Variants in ANKLE2 observed in about 807,000 individuals in gnomAD.
ANKLE2 encodes the protein ankyrin repeat and LEM domain containing 2.
In ANKLE2, 55 loss-of-function variants were observed where a neutral mutation model predicts 84.2. That is an observed-to-expected ratio of 0.65 (90% CI 0.53 to 0.82). The LOEUF is 0.82. ANKLE2 is among the 40% of genes least tolerant of loss of function. ANKLE2 has a pLI of 0.00. For synonymous variants in ANKLE2, 551 were observed against 486.1 expected (o/e 1.13, Z -1.76); for missense variants, 1,238 against 1,201.9 (o/e 1.03, Z -0.44).
rs563959431 is a variant in ANKLE2, at chr12:132,755,315, G to A, written c.182-182C>T. ...TCCCAGCATTTTGGGAGGCTGAGGC[G>A]GGCGGATCATCTGAGGTCAGGAGTT... On this transcript the variant is annotated intron_variant, in intron 1 of 12. Coordinates refer to ENST00000357997, the MANE Select transcript of ANKLE2 (RefSeq NM_015114.3). 30 of 563,792 alleles carry A rather than the reference G, an allele frequency of 5.3e-5. No homozygotes were observed. The Admixed American group carries it at 6.1e-4, about 11-fold the overall frequency. 34.9% of individuals were successfully genotyped at this position (563,792 alleles called of 1,614,324 possible). A position where few individuals can be genotyped will look rare whatever the true frequency, so the allele number is the denominator to read the frequency against.
At chr12:132,746,348 C>CAAAAAAAAAAAAAAAAAAAAAAAAAAA (rs566130639) in intron 5 of ANKLE2, among the ~76,000 whole-genome samples, 18 of 66,508 alleles carry the variant, frequency 2.7e-4, no homozygotes, top group Non-Finnish European at 3.9e-4. Context: ...GACTCTGTCT[C>CAAAAAAAAAAAAAAAAAAAAAAAAAAA]AAAAAAAAAA....
intron 3 of ANKLE2, among the ~76,000 whole-genome samples, chr12:132,750,037 G>A (rs1191133616): frequency 6.6e-6 from 1 of 151,750 alleles, no homozygotes; most frequent in East Asian, 1.9e-4. Context: ...GGCCAACATG[G>A]TGGCTAAAAA....
intron 10 of ANKLE2, among the ~76,000 whole-genome samples, chr12:132,732,672 G>A (rs1211453399): frequency 5.6e-5 from 6 of 107,828 alleles, no homozygotes; most frequent in Admixed American, 9.5e-5. Flanking sequence ...GATACGCACC[G>A]TGTGAAGCTC....
chr12:132,744,831 C>T (rs974664047), intron 5 of ANKLE2, among the ~76,000 whole-genome samples: 2 of 152,176 alleles, frequency 1.3e-5, no homozygotes, highest in African/African-American at 4.8e-5. Flanking sequence ...CAGGTGCCCG[C>T]CACCACGCCC....
chr12:132,758,910 CA>C (rs2044540787), intron 1 of ANKLE2: 1 of 147,212 alleles, frequency 6.8e-6, no homozygotes, highest in Non-Finnish European at 1.5e-5. Flanking sequence ...TGCGGAGTGG[CA>C]CCCCGGGGCA....
At chr12:132,729,149 G>T in intron 11 of ANKLE2, among the ~76,000 whole-genome samples, 2 of 151,318 alleles carry the variant, frequency 1.3e-5, no homozygotes, top group East Asian at 2.0e-4. Context: ...TCAGGAGTTC[G>T]ACACCAGCCT....
chr12:132,757,339 G>GA (rs2044508320), intron 1 of ANKLE2: 1 of 152,280 alleles, frequency 6.6e-6, no homozygotes, highest in Non-Finnish European at 1.5e-5. Context: ...TGTAAAGGGC[G>GA]AGAGAGTAAG....
At chr12:132,741,670 A>G (rs899321826) in intron 6 of ANKLE2, 185 bp from the exon 7 acceptor site, 1 of 673,506 alleles carries the variant, frequency 1.5e-6, no homozygotes, top group Non-Finnish European at 2.6e-6. Context: ...CTAAGGAGAC[A>G]GCTAGGAGAA....
chr12:132,736,559 T>C (rs1266112344), intron 8 of ANKLE2, among the ~76,000 whole-genome samples: 3 of 121,328 alleles, frequency 2.5e-5, no homozygotes, highest in African/African-American at 6.8e-5. Flanking sequence ...GCAGCCTCGC[T>C]ACACCAGCAA....
chr12:132,748,358 A>G, intron 3 of ANKLE2, 27 bp from the exon 4 acceptor site: 1 of 1,612,684 alleles, frequency 6.2e-7, no homozygotes. Flanking sequence ...GAATTTAAGA[A>G]CAATCAGTTT....
chr12:132,728,695 T>C (rs1403765861), intron 11 of ANKLE2, among the ~76,000 whole-genome samples: 2 of 152,310 alleles, frequency 1.3e-5, no homozygotes, highest in Admixed American at 1.3e-4. Flanking sequence ...GCAGACTCGC[T>C]GTTCTGTGAT....
rs181106992 is a variant in ANKLE2, at chr12:132,728,067, A to G, written c.2580T>C (p.Ser860=). The G allele has an allele frequency of 1.2e-6, 2 of 1,612,448 alleles. No individual in the cohort carries two copies. Among genetic ancestry groups the G allele is most frequent in the African/African-American group, 2.7e-5 (2 of 74,906 alleles). The change falls in exon 12 of 13, where the codon AGT becomes AGC. Residue 860 remains serine, a synonymous_variant. Transcript: ENST00000357997. ...CCGAGGGTGAGTAGCACAGGACAGC[A>G]CTCTTCCATCTGTGCACGGCCGGGA... The part of the protein sequence containing the change: ...HQFPAVHRWK[S]AVLCYSPSDR...
At chr12:132,741,524 G>T (rs113019495) in intron 6 of ANKLE2, 39 bp from the exon 7 acceptor site, 1 of 1,570,732 alleles carries the variant, frequency 6.4e-7, no homozygotes. Context: ...TTATTTGATC[G>T]CAACATTTCC....
chr12:132,755,943 C>A (rs1300801844), intron 1 of ANKLE2: 2 of 152,228 alleles, frequency 1.3e-5, no homozygotes, highest in Non-Finnish European at 2.9e-5. Context: ...CTCCTGGGTT[C>A]AAGCGGTTCT....
chr12:132,734,037 A>C (rs1212732877), intron 10 of ANKLE2: 1 of 466,710 alleles, frequency 2.1e-6, no homozygotes, highest in South Asian at 1.5e-5. Context: ...GGAGTTCGAG[A>C]CCAGCCTGGT....
At chr12:132,733,975 C>T (rs1336111324) in intron 10 of ANKLE2, 1 of 458,634 alleles carries the variant, frequency 2.2e-6, no homozygotes, top group African/African-American at 2.0e-5. Flanking sequence ...CTCCCCGACA[C>T]ACAACCCATT....
At chr12:132,741,555 G>A in intron 6 of ANKLE2, 70 bp from the exon 7 acceptor site, 2 of 1,455,096 alleles carry the variant, frequency 1.4e-6, no homozygotes, top group Middle Eastern at 1.7e-4. Flanking sequence ...AATGATTTCA[G>A]AAAAATAGTT....
rs1390179101 is a variant in ANKLE2, at chr12:132,730,002, A to ACGGGGGGCCTTTGGTCTCTTGCCCG, written c.2135_2159dup (p.Glu722GlnfsTer22). On this transcript the variant is annotated frameshift_variant, in exon 11 of 13. Coordinates refer to ENST00000357997, the MANE Select transcript of ANKLE2 (RefSeq NM_015114.3). LOFTEE classifies it high-confidence loss of function. ...CAGGTGGCAGATGGGCTTCCTCCCCACGGGGGGCCTTTGGTCTCTTGCCCG... is the reference window on the plus strand; with the variant it reads ...CAGGTGGCAGATGGGCTTCCTCCCCACGGGGGGCCTTTGGTCTCTTGCCCGCGGGGGGCCTTTGGTCTCTTGCCCG... 1.2e-6 allele frequency: 2 copies of ACGGGGGGCCTTTGGTCTCTTGCCCG among 1,613,210 alleles called. No homozygotes were observed. Among genetic ancestry groups the ACGGGGGGCCTTTGGTCTCTTGCCCG allele is most frequent in the Non-Finnish European group, 1.7e-6 (2 of 1,179,928 alleles).
chr12:132,728,970 C>G (rs1283282776), intron 11 of ANKLE2, among the ~76,000 whole-genome samples: 1 of 152,124 alleles, frequency 6.6e-6, no homozygotes, highest in African/African-American at 2.4e-5. Flanking sequence ...TAGGATCACC[C>G]ACGGTCCAAC....
Sources: allele counts gnomAD v4.1 joint callset (sites outside exome capture counted in the v4.1 genomes callset), GRCh38; gene constraint gnomAD v4.1.1; transcripts MANE v1.5; gene names NCBI Gene and HGNC (gene_info 2026-07-23, HGNC 2026-07-21).